TP63: variants seen among roughly 807,000 people sequenced by gnomAD.
The protein encoded by TP63 is tumor protein 63.
Under a neutral mutation model 82.8 loss-of-function variants are expected in TP63, and 17 were observed. That is an observed-to-expected ratio of 0.21 (90% CI 0.14 to 0.31). TP63 has a LOEUF of 0.31. TP63 is among the 10% of genes least tolerant of loss of function. The probability of loss-of-function intolerance (pLI) is 1.00; values close to 1 mark genes in which losing one functional copy is unlikely to be tolerated. For missense variants in TP63, 648 were observed against 895.3 expected, an observed-to-expected ratio of 0.72 and a Z score of 3.52; for synonymous variants, 330 against 321.7, an observed-to-expected ratio of 1.03 and a Z score of -0.28.
chr3:189,882,336 T>C (rs1720004394), intron 10 of TP63, among the ~76,000 whole-genome samples: 1 of 152,142 alleles, frequency 6.6e-6, no homozygotes, highest in Non-Finnish European at 1.5e-5. Flanking sequence ...AGTTTTCCCA[T>C]CTAGAGAATA....
intron 1 of TP63, among the ~76,000 whole-genome samples, chr3:189,662,391 G>GT (rs1713962809): frequency 6.6e-6 from 1 of 151,826 alleles, no homozygotes; most frequent in African/African-American, 2.4e-5. Flanking sequence ...GATCTTCTTG[G>GT]TATTGATTTC....
At chr3:189,794,407 G>A (rs1725479777) in intron 3 of TP63, among the ~76,000 whole-genome samples, 1 of 151,916 alleles carries the variant, frequency 6.6e-6, no homozygotes, top group Admixed American at 6.6e-5. Flanking sequence ...CATGATGTAG[G>A]AAGATCAAGA....
chr3:189,767,376 T>C (rs1012351155), intron 3 of TP63, among the ~76,000 whole-genome samples: 14 of 152,160 alleles, frequency 9.2e-5, no homozygotes, highest in Non-Finnish European at 1.5e-4. Flanking sequence ...GTTTGTGGTT[T>C]GAATTCATTG....
In TP63 at chr3:189,789,512, T is replaced by G. The variant is rs185843216; in HGVS notation, c.325-18760T>G. The G allele has an allele frequency of 6.6e-5, 25 of 379,068 alleles. No homozygotes were observed. In the East Asian group the frequency reaches 1.2e-3, roughly 18 times the overall value. The allele number at this position is 379,068 out of a possible 1,614,324, so 23.5% of individuals were successfully genotyped here. A position where few individuals can be genotyped will look rare whatever the true frequency, so the allele number is the denominator to read the frequency against. On this transcript the variant is annotated intron_variant, in intron 3 of 13. Coordinates refer to ENST00000264731, the MANE Select transcript of TP63 (RefSeq NM_003722.5). ...CTTTTAAAGATTGGTGATAAGGAAT[T>G]CTAACTACTTAATGAGATGGGAGAG...
intron 4 of TP63, among the ~76,000 whole-genome samples, chr3:189,858,088 A>C (rs936346624): frequency 6.6e-6 from 1 of 152,216 alleles, no homozygotes; most frequent in Non-Finnish European, 1.5e-5. Flanking sequence ...CTAAGTGTCC[A>C]TCAAAGGATA....
At position 189,631,501 on chromosome 3, in the gene TP63, A is replaced by G. The variant is rs200935681; in HGVS notation, c.-15A>G. The G allele has an allele frequency of 6.8e-6, 11 of 1,612,514 alleles. No individual in the cohort carries two copies. The highest frequency in any genetic ancestry group is 9.3e-6 in the Non-Finnish European group (11 of 1,178,862). ...ATTGTTCTCCGTTCGTTGATATCAAAGACAGTTGAAGGAAATGAATTTTGA... is the reference window on the plus strand; with the variant it reads ...ATTGTTCTCCGTTCGTTGATATCAAGGACAGTTGAAGGAAATGAATTTTGA... On this transcript the variant is annotated 5_prime_UTR_variant, in exon 1 of 14. Transcript: ENST00000264731.
intron 3 of TP63, among the ~76,000 whole-genome samples, chr3:189,760,698 C>T (rs1174647561): frequency 2.0e-5 from 3 of 152,192 alleles, no homozygotes. Context: ...TCTTACAACT[C>T]CACTAGGCAG....
rs139756557 is a variant in TP63 at position 189,843,725 on chromosome 3, G to A, written c.580-20507G>A. 4.6e-3 allele frequency among the ~76,000 whole-genome samples: 695 copies of A among 152,236 alleles called. 5 individuals are homozygous for A. The highest frequency in any genetic ancestry group is 0.016 in the African/African-American group (668 of 41,548). ...TGTGGATACAGTCTTAAAATGGAAT[G>A]CCTCATTTGTGAATCAAAAAATCCG... On this transcript the variant is annotated intron_variant, in intron 4 of 13. Transcript: ENST00000264731.
chr3:189,730,868 T>G (rs1359236596), intron 1 of TP63, among the ~76,000 whole-genome samples: 2 of 152,238 alleles, frequency 1.3e-5, no homozygotes. Context: ...CTATTTTATT[T>G]TGTTAAATGA....
chr3:189,683,689 A>G (rs1244777823), intron 1 of TP63, among the ~76,000 whole-genome samples: 1 of 152,206 alleles, frequency 6.6e-6, no homozygotes, highest in African/African-American at 2.4e-5. Context: ...CATGGCCAAG[A>G]TGATTTCATC....
intron 5 of TP63, among the ~76,000 whole-genome samples, chr3:189,865,304 G>A (rs544903848): frequency 8.1e-4 from 124 of 152,286 alleles, no homozygotes; most frequent in Admixed American, 2.3e-3. Flanking sequence ...GGAGTGGAGG[G>A]ATGAGGTATC....
intron 3 of TP63, among the ~76,000 whole-genome samples, chr3:189,744,961 T>C (rs1289956000): frequency 6.6e-6 from 1 of 152,170 alleles, no homozygotes; most frequent in Non-Finnish European, 1.5e-5. Context: ...CAGCCTCCAC[T>C]AACAACCACA....
At chr3:189,753,332 G>A (rs1226037026) in intron 3 of TP63, among the ~76,000 whole-genome samples, 2 of 151,842 alleles carry the variant, frequency 1.3e-5, no homozygotes, top group Non-Finnish European at 2.9e-5. Flanking sequence ...CCCTTGTTGG[G>A]TATGTCATAT....
At chr3:189,600,026 G>A in the TP63 span, among the ~76,000 whole-genome samples, 1 of 152,090 alleles carries the variant, frequency 6.6e-6, no homozygotes, top group Non-Finnish European at 1.5e-5. Context: ...TCAAAATCAC[G>A]TAATTGAGAA....
intron 4 of TP63, among the ~76,000 whole-genome samples, chr3:189,830,302 C>G (rs1712125113): frequency 6.6e-6 from 1 of 152,038 alleles, no homozygotes; most frequent in Non-Finnish European, 1.5e-5. Context: ...GTTTGAAAAA[C>G]AAAACAAAAC....
At chr3:189,828,148 G>T (rs968662774) in intron 4 of TP63, among the ~76,000 whole-genome samples, 9 of 152,042 alleles carry the variant, frequency 5.9e-5, no homozygotes, top group Admixed American at 6.6e-5. Context: ...AGCCGAGGCA[G>T]GATAATTGCT....
chr3:189,610,137 CT>C, the TP63 span, among the ~76,000 whole-genome samples: 2 of 152,114 alleles, frequency 1.3e-5, no homozygotes, highest in South Asian at 2.1e-4. Context: ...TGATATTGAG[CT>C]TTTTTTCAAA....
intron 3 of TP63, among the ~76,000 whole-genome samples, chr3:189,775,699 A>T (rs1723742872): frequency 6.6e-6 from 1 of 152,148 alleles, no homozygotes; most frequent in Non-Finnish European, 1.5e-5. Flanking sequence ...TTTAAGGCCC[A>T]AACATAGAAG....
intron 3 of TP63, among the ~76,000 whole-genome samples, chr3:189,756,473 A>G (rs538852618): frequency 3.9e-5 from 6 of 152,152 alleles, no homozygotes; most frequent in Non-Finnish European, 7.4e-5. Flanking sequence ...CTTTACCTTA[A>G]ACACAAGTAT....
Sources: allele counts gnomAD v4.1 joint callset (sites outside exome capture counted in the v4.1 genomes callset), GRCh38; gene constraint gnomAD v4.1.1; transcripts MANE v1.5; gene names NCBI Gene and HGNC (gene_info 2026-07-23, HGNC 2026-07-21).